Variants in CDH13 observed in about 807,000 individuals in gnomAD.
CDH13 encodes cadherin-13.
Under a neutral mutation model 63.8 loss-of-function variants are expected in CDH13, and 24 were observed. The observed-to-expected ratio is 0.38, with a 90% CI of 0.27 to 0.53. The LOEUF (loss-of-function observed/expected upper bound fraction) is 0.53, where lower values mean the gene tolerates loss of function less well. CDH13 is among the 20% of genes least tolerant of loss of function. The pLI, the probability that CDH13 is intolerant of heterozygous loss-of-function variation, is 0.85. For synonymous variants in CDH13, 503 were observed against 355.3 expected, an observed-to-expected ratio of 1.42 and a Z score of -4.67; for missense variants, 1,049 against 903.1, an observed-to-expected ratio of 1.16 and a Z score of -2.07.
chr16:82,868,115 C>A (rs967260105), intron 2 of CDH13, among the ~76,000 whole-genome samples: 1 of 152,164 alleles, frequency 6.6e-6, no homozygotes, highest in East Asian at 1.9e-4. Flanking sequence ...GCAGTCTGGA[C>A]AGAGCTGGAC....
At chr16:83,441,367 G>A (rs934355322) in intron 6 of CDH13, among the ~76,000 whole-genome samples, 1 of 152,206 alleles carries the variant, frequency 6.6e-6, no homozygotes, top group Non-Finnish European at 1.5e-5. Flanking sequence ...CAAAATACAA[G>A]CTCTAGAACA....
chr16:83,426,129 C>T (rs1339562654), intron 6 of CDH13, among the ~76,000 whole-genome samples: 3 of 152,106 alleles, frequency 2.0e-5, no homozygotes, highest in African/African-American at 4.8e-5. Context: ...TTTCTTCTTT[C>T]ACCCTCTTTC....
chr16:83,779,451 A>G (rs537664600), intron 11 of CDH13, among the ~76,000 whole-genome samples: 75 of 142,452 alleles, frequency 5.3e-4, no homozygotes, highest in Admixed American at 8.6e-4. Context: ...CTTATATATG[A>G]TAAAGGGCTT....
intron 1 of CDH13, among the ~76,000 whole-genome samples, chr16:82,656,318 T>G (rs978678895): frequency 6.6e-6 from 1 of 151,698 alleles, no homozygotes; most frequent in Non-Finnish European, 1.5e-5. Flanking sequence ...TGTGCGTGTG[T>G]GTGTGTGTGT....
At chr16:83,002,203 T>A (rs1224467874) in intron 2 of CDH13, among the ~76,000 whole-genome samples, 1 of 152,172 alleles carries the variant, frequency 6.6e-6, no homozygotes, top group Non-Finnish European at 1.5e-5. Context: ...AATCTGATAA[T>A]GAGAGGAGCC....
At chr16:83,186,596 C>A (rs112369129) in intron 4 of CDH13, among the ~76,000 whole-genome samples, 1 of 151,958 alleles carries the variant, frequency 6.6e-6, no homozygotes, top group African/African-American at 2.4e-5. Flanking sequence ...ATTTGTCGTA[C>A]GTTGTGTTTA....
chr16:82,850,226 T>TA (rs1555529491), intron 1 of CDH13, among the ~76,000 whole-genome samples: 2 of 151,892 alleles, frequency 1.3e-5, no homozygotes, highest in Non-Finnish European at 2.9e-5. Flanking sequence ...TTGTGATTCA[T>TA]GGGGGGTGGT....
At chr16:83,549,868 G>A (rs1457674538) in intron 7 of CDH13, among the ~76,000 whole-genome samples, 4 of 152,108 alleles carry the variant, frequency 2.6e-5, no homozygotes, top group African/African-American at 9.7e-5. Flanking sequence ...GGTGGCAGGA[G>A]GTGAAAGAGA....
intron 8 of CDH13, among the ~76,000 whole-genome samples, chr16:83,622,677 C>T (rs535015785): frequency 2.6e-5 from 4 of 152,272 alleles, no homozygotes; most frequent in East Asian, 3.9e-4. Flanking sequence ...TACATTAGCC[C>T]GCTCTCGCTA....
chr16:83,354,763 G>T (rs2091021165), intron 6 of CDH13, among the ~76,000 whole-genome samples: 1 of 152,178 alleles, frequency 6.6e-6, no homozygotes, highest in South Asian at 2.1e-4. Flanking sequence ...ACAGGGAGAT[G>T]GGCAAGGGCA....
chr16:83,295,396 TCTG>T (rs2089567992), intron 5 of CDH13, among the ~76,000 whole-genome samples: 1 of 152,008 alleles, frequency 6.6e-6, no homozygotes, highest in South Asian at 2.1e-4. Flanking sequence ...CTAAAAAACT[TCTG>T]CACAGCAAAT....
At chr16:83,160,631 C>G (rs757361837) in intron 4 of CDH13, among the ~76,000 whole-genome samples, 1 of 152,180 alleles carries the variant, frequency 6.6e-6, no homozygotes, top group Non-Finnish European at 1.5e-5. Context: ...AATAATCCTA[C>G]AAACCTCTCC....
rs1904315883 is a variant in CDH13, at chr16:83,800,581, A to G, written c.*5551A>G. ...CTAACATTTGCTTTACTATGTAGTTACAGAGAAATGTGCAACTTGTTTGTG... is the reference window on the plus strand; with the variant it reads ...CTAACATTTGCTTTACTATGTAGTTGCAGAGAAATGTGCAACTTGTTTGTG... On this transcript the variant is annotated 3_prime_UTR_variant, in exon 14 of 14. Transcript: ENST00000567109. 6.6e-6 allele frequency: 1 copy of G among 152,272 alleles called. No homozygotes were observed. Among genetic ancestry groups the G allele is most frequent in the Non-Finnish European group, 1.5e-5 (1 of 68,050 alleles). 9.4% of individuals were successfully genotyped at this position (152,272 alleles called of 1,614,324 possible). A position where few individuals can be genotyped will look rare whatever the true frequency, so the allele number is the denominator to read the frequency against.
chr16:83,116,652 G>T (rs757097692), intron 3 of CDH13, among the ~76,000 whole-genome samples: 10 of 152,212 alleles, frequency 6.6e-5, no homozygotes, highest in Non-Finnish European at 1.2e-4. Flanking sequence ...ATGGGCATGA[G>T]GTTTCATTTA....
At chr16:83,203,353 C>A (rs1449996186) in intron 4 of CDH13, among the ~76,000 whole-genome samples, 1 of 152,218 alleles carries the variant, frequency 6.6e-6, no homozygotes, top group African/African-American at 2.4e-5. Context: ...AACAAACCCA[C>A]ACATGTACCG....
chr16:83,339,525 C>T (rs935359182), intron 5 of CDH13, among the ~76,000 whole-genome samples: 20 of 152,130 alleles, frequency 1.3e-4, no homozygotes, highest in African/African-American at 3.9e-4. Flanking sequence ...CACCAAGATC[C>T]TGCAAAGTCA....
At chr16:83,611,072 C>T (rs1425746966) in intron 8 of CDH13, among the ~76,000 whole-genome samples, 1 of 152,154 alleles carries the variant, frequency 6.6e-6, no homozygotes, top group Non-Finnish European at 1.5e-5. Flanking sequence ...ATCTTCCATC[C>T]ACTGGCTGTT....
chr16:83,229,881 G>A (rs975998547), intron 5 of CDH13, among the ~76,000 whole-genome samples: 1 of 152,148 alleles, frequency 6.6e-6, no homozygotes, highest in African/African-American at 2.4e-5. Context: ...TCTGAAGCTG[G>A]ACTAGAGTAA....
intron 1 of CDH13, among the ~76,000 whole-genome samples, chr16:82,732,287 T>C (rs2033444267): frequency 6.6e-6 from 1 of 152,170 alleles, no homozygotes; most frequent in Non-Finnish European, 1.5e-5. Context: ...AAAATAGGTC[T>C]GTATTTAAAA....
Sources: allele counts gnomAD v4.1 joint callset (sites outside exome capture counted in the v4.1 genomes callset), GRCh38; gene constraint gnomAD v4.1.1; transcripts MANE v1.5; gene names NCBI Gene and HGNC (gene_info 2026-07-23, HGNC 2026-07-21).